KIF20B: variants seen among roughly 807,000 people sequenced by gnomAD.
KIF20B encodes kinesin family member 20B.
KIF20B carries 188 observed loss-of-function variants against 232.5 expected under a neutral mutation model. The ratio of observed to expected loss-of-function variants is 0.81; its 90% CI spans 0.72 to 0.91. The LOEUF is 0.91. Ranked by LOEUF, KIF20B falls within the 40% of genes least tolerant of loss-of-function variation. The pLI is 0.00. For missense variants in KIF20B, 2,154 were observed against 2,055.9 expected (o/e 1.05, Z -0.92); for synonymous variants, 712 against 683.0 (o/e 1.04, Z -0.66).
chr10:89,756,614 G>A lies in KIF20B; in HGVS notation c.4503+1941G>A, dbSNP rs1181242166. Among the ~76,000 whole-genome samples the A allele has an allele frequency of 2.0e-5, 3 of 152,186 alleles. No homozygotes were observed. The East Asian group carries it at 5.8e-4, about 29-fold the overall frequency. On this transcript the variant is annotated intron_variant, in intron 26 of 32. Coordinates refer to ENST00000371728, the MANE Select transcript of KIF20B (RefSeq NM_001284259.2). Reference sequence around the variant, plus strand: ...AGTTCAGTGAGTTATTGTGAAGCCAGTACCCACTTAACTAATACCTATTTC... The same window carrying A: ...AGTTCAGTGAGTTATTGTGAAGCCAATACCCACTTAACTAATACCTATTTC...
At chr10:89,739,151 T>A (rs1385715082) in intron 21 of KIF20B, 55 bp downstream of exon 21, 8 of 1,542,858 alleles carry the variant, frequency 5.2e-6, no homozygotes, top group Non-Finnish European at 8.8e-7. Flanking sequence ...GTTTTCCTTA[T>A]ATATCAAACT....
chr10:89,714,684 A>T lies in KIF20B; in HGVS notation c.713-271A>T, dbSNP rs76371937. On this transcript the variant is annotated intron_variant, in intron 7 of 32. Transcript: ENST00000371728. The stretch of plus-strand genomic sequence containing the variant: ...GGTTACAATTTTAATATTGAATTTG[A>T]AAGACACTTGTTTTTCTTTGTCCTT... Among the ~76,000 whole-genome samples, 262 of 152,312 alleles carry T rather than the reference A, an allele frequency of 1.7e-3. 1 individual carries two copies. Among genetic ancestry groups the T allele is most frequent in the African/African-American group, 6.0e-3 (248 of 41,580 alleles).
chr10:89,771,959 G>C (rs1842472135), intron 31 of KIF20B, among the ~76,000 whole-genome samples: 2 of 151,780 alleles, frequency 1.3e-5, no homozygotes, highest in Non-Finnish European at 2.9e-5. Flanking sequence ...TGGCTTCTCC[G>C]ATACCTGGAC....
At chr10:89,771,896 A>C (rs1470934033) in intron 31 of KIF20B, among the ~76,000 whole-genome samples, 1 of 151,988 alleles carries the variant, frequency 6.6e-6, no homozygotes, top group Non-Finnish European at 1.5e-5. Context: ...TACTGTTGAA[A>C]TAAGTGGTTA....
rs1018194599 is a variant in KIF20B at position 89,709,414 on chromosome 10, A to G, written c.304A>G (p.Ser102Gly). 3 of 1,613,696 alleles carry G rather than the reference A, an allele frequency of 1.9e-6. No homozygotes were observed. The highest frequency in any genetic ancestry group is 2.5e-6 in the Non-Finnish European group (3 of 1,179,744). ...GCCTCAATGCATCCTTGGTCGGTTA[A>G]GTGAAAAAAGCTCAGGGCAGATGGC... ...KEPQCILGRLSEKSSGQMAQK... is the reference protein window; with the variant it reads ...KEPQCILGRLGEKSSGQMAQK... Residue 102 changes from serine (S) to glycine (G), a missense_variant, in exon 4 of 33, where the codon AGT becomes GGT. Ser to Gly is a moderately conservative substitution (Grantham distance 56). Transcript: ENST00000371728.
At chr10:89,748,993 AT>A (rs1841974127) in intron 23 of KIF20B, among the ~76,000 whole-genome samples, 1 of 152,070 alleles carries the variant, frequency 6.6e-6, no homozygotes, top group African/African-American at 2.4e-5. Context: ...CCTCAGTTAT[AT>A]TTATAAAGTA....
chr10:89,724,937 T>C (rs1256799123), intron 14 of KIF20B, 83 bp from the exon 15 acceptor site: 2 of 1,356,884 alleles, frequency 1.5e-6, no homozygotes, highest in Non-Finnish European at 2.1e-6. Flanking sequence ...TAATCTAGAA[T>C]ATACTTAAAC....
At chr10:89,766,942 G>A (rs1279590874) in intron 29 of KIF20B, among the ~76,000 whole-genome samples, 2 of 151,500 alleles carry the variant, frequency 1.3e-5, no homozygotes, top group African/African-American at 4.8e-5. Context: ...AACGAAGAAG[G>A]AAACACCGAG....
At position 89,752,340 on chromosome 10, in the gene KIF20B, T is replaced by C. The variant is rs766187189; in HGVS notation, c.4223-227T>C. 1.7e-4 allele frequency among the ~76,000 whole-genome samples: 26 copies of C among 152,240 alleles called. 1 individual carries two copies. The Middle Eastern group carries it at 0.014, about 80-fold the overall frequency. On this transcript the variant is annotated intron_variant, in intron 24 of 32. Transcript: ENST00000371728. The stretch of plus-strand genomic sequence containing the variant: ...TGACAATGAATTTATTATACTATAC[T>C]GTGAATACTATTCATTGGATTCCTG...
intron 14 of KIF20B, among the ~76,000 whole-genome samples, chr10:89,724,689 C>T (rs1843142475): frequency 6.6e-6 from 1 of 152,048 alleles, no homozygotes. Context: ...GCAACCTGCA[C>T]CTCCTGGGTT....
chr10:89,761,075 TAG>T (rs1262594258), intron 28 of KIF20B, among the ~76,000 whole-genome samples: 3 of 152,166 alleles, frequency 2.0e-5, no homozygotes, highest in African/African-American at 7.2e-5. Flanking sequence ...TTGGATAATA[TAG>T]AGATTCTTAG....
At chr10:89,761,200 C>CA (rs1842231408) in intron 28 of KIF20B, among the ~76,000 whole-genome samples, 1 of 151,956 alleles carries the variant, frequency 6.6e-6, no homozygotes, top group Non-Finnish European at 1.5e-5. Context: ...AGTTGGGAAC[C>CA]TTTTTAAGCA....
chr10:89,715,190 A>G lies in KIF20B; in HGVS notation c.940+8A>G, dbSNP rs768699646. The G allele has an allele frequency of 1.3e-6, 2 of 1,525,474 alleles. No individual in the cohort carries two copies. Among genetic ancestry groups the G allele is most frequent in the African/African-American group, 1.4e-5 (1 of 72,138 alleles). The allele number at this position is 1,525,474 out of a possible 1,614,324, so 94.5% of individuals were successfully genotyped here. A position where few individuals can be genotyped will look rare whatever the true frequency, so the allele number is the denominator to read the frequency against. On this transcript the variant is annotated splice_region_variant and intron_variant, in intron 8 of 32. Transcript: ENST00000371728. ...GCTATTCTTTTATAAAAGGTATACT[A>G]ATGAATATTTTTATCTTATTGCTCT...
At chr10:89,765,587 A>G (rs1353840275) in intron 29 of KIF20B, among the ~76,000 whole-genome samples, 1 of 152,108 alleles carries the variant, frequency 6.6e-6, no homozygotes, top group Non-Finnish European at 1.5e-5. Context: ...AGTCAATCCT[A>G]AGCCAAAAGA....
At chr10:89,726,178 G>T in intron 15 of KIF20B, 115 bp from the exon 16 acceptor site, 19 of 1,278,406 alleles carry the variant, frequency 1.5e-5, no homozygotes, top group East Asian at 5.6e-5. Flanking sequence ...TTATTTTAAA[G>T]AATTTCAAGT....
intron 16 of KIF20B, among the ~76,000 whole-genome samples, chr10:89,727,155 C>T (rs375247634): frequency 1.9e-4 from 29 of 151,982 alleles, no homozygotes; most frequent in African/African-American, 6.0e-4. Context: ...ATAGAAGATT[C>T]ACTGTTGGGA....
chr10:89,772,613 T>A (rs949424239), intron 31 of KIF20B, 76 bp from the exon 32 acceptor site: 1 of 899,908 alleles, frequency 1.1e-6, no homozygotes, highest in Admixed American at 3.0e-5. Flanking sequence ...TTTCAAACCA[T>A]CTTTATTAAG....
chr10:89,742,825 G>T (rs1463451335), intron 21 of KIF20B, among the ~76,000 whole-genome samples: 1 of 148,974 alleles, frequency 6.7e-6, no homozygotes, highest in Non-Finnish European at 1.5e-5. Flanking sequence ...TCAGTCTCCC[G>T]AGTAGCTGGG....
intron 26 of KIF20B, among the ~76,000 whole-genome samples, chr10:89,757,069 T>TATATATATATATATTC: frequency 7.4e-6 from 1 of 134,376 alleles, no homozygotes; most frequent in Admixed American, 8.4e-5. Context: ...TATATATATA[T>TATATATATATATATTC]ACACACATGA....
Sources: gnomAD v4.1 joint callset for allele counts (sites outside exome capture counted in the v4.1 genomes callset) on GRCh38, gnomAD v4.1.1 for gene constraint, MANE v1.5 for transcripts, NCBI Gene and HGNC (gene_info 2026-07-23, HGNC 2026-07-21) for gene names.